CADPS2: variants seen among roughly 807,000 people sequenced by gnomAD.
CADPS2 encodes the protein calcium-dependent secretion activator 2.
In CADPS2, 93 loss-of-function variants were observed where a neutral mutation model predicts 172.5. The observed-to-expected ratio is 0.54, with a 90% CI of 0.46 to 0.64. CADPS2 has a LOEUF of 0.64. Among genes scored for constraint, CADPS2 ranks in the 30% least tolerant of loss-of-function variants. The pLI, the probability that CADPS2 is intolerant of heterozygous loss-of-function variation, is 0.00. For synonymous variants in CADPS2, 546 were observed against 555.2 expected, an observed-to-expected ratio of 0.98 and a Z score of 0.23; for missense variants, 1,420 against 1,565.9, an observed-to-expected ratio of 0.91 and a Z score of 1.57.
chr7:122,740,269 C>T (rs2092392281), intron 1 of CADPS2, among the ~76,000 whole-genome samples: 1 of 152,116 alleles, frequency 6.6e-6, no homozygotes, highest in Non-Finnish European at 1.5e-5. Flanking sequence ...CACACAAATA[C>T]CTGTACACAA....
intron 1 of CADPS2, among the ~76,000 whole-genome samples, chr7:122,833,394 G>A (rs989821100): frequency 4.6e-5 from 7 of 151,526 alleles, no homozygotes; most frequent in Non-Finnish European, 7.4e-5. Context: ...TCTGTTGCCC[G>A]GGCTGGAGTA....
chr7:122,759,809 T>G (rs1232396863), intron 1 of CADPS2, among the ~76,000 whole-genome samples: 1 of 152,122 alleles, frequency 6.6e-6, no homozygotes, highest in Non-Finnish European at 1.5e-5. Context: ...CTTTGCCTAA[T>G]TTTATTCAAA....
chr7:122,524,957 G>T (rs983150509), intron 8 of CADPS2, among the ~76,000 whole-genome samples: 1 of 151,982 alleles, frequency 6.6e-6, no homozygotes, highest in Non-Finnish European at 1.5e-5. Flanking sequence ...AGACCAGCCT[G>T]GGCAACATGG....
At position 122,629,314 on chromosome 7, in the gene CADPS2, A is replaced by G; in HGVS notation, c.801T>C (p.Asp267=). The change falls in exon 4 of 30, where the codon GAT becomes GAC. Residue 267 remains aspartate, a synonymous_variant. Coordinates refer to ENST00000449022, the MANE Select transcript of CADPS2 (RefSeq NM_017954.11). The part of the protein sequence containing the change: ...LYNACQLDNA[D]EQAAQIRREL... ...CCCTTCTGATCTGGGCTGCTTGTTC[A>G]TCTGCGTTATCCAGCTTAAAAATAA... 1 of 1,608,412 alleles carries G rather than the reference A, an allele frequency of 6.2e-7. No homozygotes were observed. Among genetic ancestry groups the G allele is most frequent in the South Asian group, 1.1e-5 (1 of 89,874 alleles).
At chr7:122,627,354 G>T (rs2076179673) in intron 4 of CADPS2, among the ~76,000 whole-genome samples, 1 of 152,172 alleles carries the variant, frequency 6.6e-6, no homozygotes, top group Admixed American at 6.5e-5. Context: ...ACTTGAAGTG[G>T]AAAGCAATTA....
At chr7:122,732,822 TTATA>T (rs1256402782) in intron 2 of CADPS2, among the ~76,000 whole-genome samples, 1 of 140,758 alleles carries the variant, frequency 7.1e-6, no homozygotes, top group Non-Finnish European at 1.5e-5. Context: ...ATAATGTATA[TTATA>T]TATAATATAC....
intron 27 of CADPS2, among the ~76,000 whole-genome samples, chr7:122,351,385 A>AAAAAAAAAAAAC (rs1364846693): frequency 6.8e-6 from 1 of 147,062 alleles, no homozygotes; most frequent in African/African-American, 2.5e-5. Context: ...AAAAAAAAAA[A>AAAAAAAAAAAAC]AAAAAAAAAA....
At chr7:122,469,057 A>T (rs2055548421) in intron 14 of CADPS2, among the ~76,000 whole-genome samples, 1 of 152,192 alleles carries the variant, frequency 6.6e-6, no homozygotes, top group African/African-American at 2.4e-5. Context: ...TGAACATATA[A>T]ACATACCTTG....
At chr7:122,573,490 T>C (rs931386104) in intron 7 of CADPS2, among the ~76,000 whole-genome samples, 8 of 152,108 alleles carry the variant, frequency 5.3e-5, no homozygotes, top group Admixed American at 2.0e-4. Flanking sequence ...CAGTAAGCCA[T>C]GCTCTCCGGC....
intron 6 of CADPS2, among the ~76,000 whole-genome samples, chr7:122,582,103 C>G (rs1328804701): frequency 2.6e-5 from 4 of 151,404 alleles, no homozygotes; most frequent in African/African-American, 9.7e-5. Flanking sequence ...GAAGAAGATG[C>G]CATTGAGCAA....
At chr7:122,768,956 G>GAAA (rs989890960) in intron 1 of CADPS2, among the ~76,000 whole-genome samples, 2 of 140,464 alleles carry the variant, frequency 1.4e-5, no homozygotes, top group African/African-American at 2.6e-5. Flanking sequence ...GCCATTATCA[G>GAAA]AAAAAAAAAA....
At chr7:122,635,015 T>C in intron 3 of CADPS2, among the ~76,000 whole-genome samples, 1 of 152,308 alleles carries the variant, frequency 6.6e-6, no homozygotes, top group East Asian at 1.9e-4. Flanking sequence ...TCCAAAAGGA[T>C]GCTTGGTAGT....
intron 6 of CADPS2, chr7:122,585,477 A>C (rs73719705): frequency 1.3e-5 from 2 of 150,212 alleles, no homozygotes; most frequent in Non-Finnish European, 3.0e-5. Flanking sequence ...AAAAAAAAAA[A>C]GGCAGGAAAA....
intron 17 of CADPS2, chr7:122,420,853 T>C (rs2048456592): frequency 1.3e-5 from 2 of 152,240 alleles, no homozygotes; most frequent in Non-Finnish European, 2.9e-5. Context: ...CCTTGGCTCA[T>C]TGAAACAATT....
At chr7:122,554,818 T>C (rs974339751) in intron 7 of CADPS2, 129 bp from the exon 8 acceptor site, 1 of 695,048 alleles carries the variant, frequency 1.4e-6, no homozygotes, top group Non-Finnish European at 2.2e-6. Flanking sequence ...AATAAACAAT[T>C]TGACTCCCTA....
intron 1 of CADPS2, among the ~76,000 whole-genome samples, chr7:122,822,371 G>A (rs1465981899): frequency 6.6e-6 from 1 of 151,384 alleles, no homozygotes; most frequent in Non-Finnish European, 1.5e-5. Context: ...CTTACCACAA[G>A]ACCTCCCTTC....
chr7:122,765,909 T>C (rs547862981), intron 1 of CADPS2, among the ~76,000 whole-genome samples: 4 of 152,180 alleles, frequency 2.6e-5, no homozygotes, highest in East Asian at 1.9e-4. Context: ...TGTAGAGGAA[T>C]TGTGAAGATG....
chr7:122,580,666 G>C (rs948083958), intron 7 of CADPS2, among the ~76,000 whole-genome samples: 1 of 152,076 alleles, frequency 6.6e-6, no homozygotes, highest in Non-Finnish European at 1.5e-5. Flanking sequence ...GGTATGAAGA[G>C]GTGACTATAG....
intron 25 of CADPS2, among the ~76,000 whole-genome samples, chr7:122,376,671 C>G (rs1200682699): frequency 6.6e-6 from 1 of 152,034 alleles, no homozygotes; most frequent in Non-Finnish European, 1.5e-5. Context: ...CTATAGAAAA[C>G]AACACTATTT....
Sources: allele counts gnomAD v4.1 joint callset (sites outside exome capture counted in the v4.1 genomes callset), GRCh38; gene constraint gnomAD v4.1.1; transcripts MANE v1.5; gene names NCBI Gene and HGNC (gene_info 2026-07-23, HGNC 2026-07-21).